Variants in CORO2B observed in about 807,000 individuals in gnomAD.
The protein encoded by CORO2B is coronin-2B.
In CORO2B, 26 loss-of-function variants were observed where a neutral mutation model predicts 58.8. That is an observed-to-expected ratio of 0.44 (90% CI 0.32 to 0.61). The LOEUF is 0.61. CORO2B is among the 20% of genes least tolerant of loss of function. The pLI is 0.04. For missense variants in CORO2B, 460 were observed against 645.1 expected (o/e 0.71, Z 3.11); for synonymous variants, 242 against 253.8 (o/e 0.95, Z 0.44).
At chr15:68,724,115 T>C (rs1485672168) in intron 11 of CORO2B, among the ~76,000 whole-genome samples, 1 of 152,076 alleles carries the variant, frequency 6.6e-6, no homozygotes, top group African/African-American at 2.4e-5. Context: ...AGCAGAAGAA[T>C]ACCTTGAACC....
intron 1 of CORO2B, among the ~76,000 whole-genome samples, chr15:68,592,134 C>G (rs1300140142): frequency 6.6e-6 from 1 of 152,130 alleles, no homozygotes; most frequent in Non-Finnish European, 1.5e-5. Context: ...GTCCTCCAAC[C>G]ACACATCCAC....
chr15:68,690,712 T>G (rs1892338890), intron 2 of CORO2B, among the ~76,000 whole-genome samples: 1 of 148,116 alleles, frequency 6.8e-6, no homozygotes, highest in Non-Finnish European at 1.5e-5. Flanking sequence ...GAGAGTGGCA[T>G]GATCATGATT....
intron 3 of CORO2B, among the ~76,000 whole-genome samples, chr15:68,697,190 T>TTGGATGGATGGATGGATGGATGGATGGA (rs374285924): frequency 1.3e-5 from 2 of 148,648 alleles, no homozygotes; most frequent in African/African-American, 5.0e-5. Context: ...GGATGGATTG[T>TTGGATGGATGGATGGATGGATGGATGGA]TGGATGGATG....
Position 68,645,953 on chromosome 15 carries a change from C to G in CORO2B, c.216+593C>G, listed in dbSNP as rs2415024. Among the ~76,000 whole-genome samples, 1 of 151,852 alleles carries G rather than the reference C, an allele frequency of 6.6e-6. No individual in the cohort carries two copies. The highest frequency in any genetic ancestry group is 2.1e-4 in the South Asian group (1 of 4,778). ...CACGCCCAGCTAATTTTTGTATTTT[C>G]AGTAGAGATGGGGTTTCACCATGTT... On this transcript the variant is annotated intron_variant, in intron 2 of 11. Coordinates refer to ENST00000261861, the MANE Select transcript of CORO2B (RefSeq NM_006091.5). The surrounding 1 kb of genome is among the most constrained non-coding windows in gnomAD (Gnocchi z 4.5).
At chr15:68,546,409 G>T in the CORO2B span, among the ~76,000 whole-genome samples, 25 of 152,148 alleles carry the variant, frequency 1.6e-4, no homozygotes, top group Non-Finnish European at 2.4e-4. Flanking sequence ...TACCGCAAGG[G>T]ATTCCAAGAT....
rs1017542328 is a variant in CORO2B at position 68,644,785 on chromosome 15, G to A, written c.16-375G>A. On this transcript the variant is annotated intron_variant, in intron 1 of 11. Transcript: ENST00000261861. ...GTCCGCATCTCCCATGCTGAACCGAGCACAGTTCCAGATACTCAGGAGGGA... is the reference window on the plus strand; with the variant it reads ...GTCCGCATCTCCCATGCTGAACCGAACACAGTTCCAGATACTCAGGAGGGA... Among the ~76,000 whole-genome samples, 4 of 152,114 alleles carry A rather than the reference G, an allele frequency of 2.6e-5. No individual in the cohort carries two copies. In the East Asian group the frequency reaches 7.7e-4, roughly 29 times the overall value.
chr15:68,537,528 G>A, the CORO2B span, among the ~76,000 whole-genome samples: 2 of 152,012 alleles, frequency 1.3e-5, no homozygotes, highest in African/African-American at 4.8e-5. Flanking sequence ...CATGTGCAGG[G>A]TGTGCAGGTT....
chr15:68,614,529 C>A (rs1163049145), intron 1 of CORO2B, among the ~76,000 whole-genome samples: 1 of 152,102 alleles, frequency 6.6e-6, no homozygotes, highest in African/African-American at 2.4e-5. Flanking sequence ...CAGTAACTTG[C>A]TGGAGAAACT....
chr15:68,597,218 C>A (rs571949924), intron 1 of CORO2B, among the ~76,000 whole-genome samples: 2 of 152,262 alleles, frequency 1.3e-5, no homozygotes, highest in East Asian at 3.9e-4. Context: ...TGGCTGCTGG[C>A]ACATCTTTTC....
intron 1 of CORO2B, among the ~76,000 whole-genome samples, chr15:68,639,830 C>T (rs779797440): frequency 3.3e-5 from 5 of 152,180 alleles, no homozygotes; most frequent in African/African-American, 4.8e-5. Flanking sequence ...CCCAGTCTTG[C>T]GCCTTGTGCT....
chr15:68,664,385 C>T (rs761276914), intron 2 of CORO2B, among the ~76,000 whole-genome samples: 2 of 152,162 alleles, frequency 1.3e-5, no homozygotes, highest in African/African-American at 4.8e-5. Flanking sequence ...TGGTGGCTCA[C>T]GCTTGTAATC....
the CORO2B span, among the ~76,000 whole-genome samples, chr15:68,555,031 G>A: frequency 6.6e-6 from 1 of 152,208 alleles, no homozygotes; most frequent in Non-Finnish European, 1.5e-5. Context: ...TGGGGCTGGG[G>A]TGGGCAGCCC....
chr15:68,619,424 A>G (rs1408445994), intron 1 of CORO2B, among the ~76,000 whole-genome samples: 1 of 152,180 alleles, frequency 6.6e-6, no homozygotes, highest in East Asian at 1.9e-4. Flanking sequence ...TGTGTGCAAG[A>G]TTGAAAGGTC....
chr15:68,683,974 G>A (rs1902878817), intron 2 of CORO2B, among the ~76,000 whole-genome samples: 1 of 151,374 alleles, frequency 6.6e-6, no homozygotes, highest in Non-Finnish European at 1.5e-5. Flanking sequence ...TGGCTTATAA[G>A]GTCTAGATAG....
chr15:68,579,798 C>CG (rs1899382464), intron 1 of CORO2B, among the ~76,000 whole-genome samples: 1 of 152,206 alleles, frequency 6.6e-6, no homozygotes, highest in Non-Finnish European at 1.5e-5. Context: ...TGCCCAGTCC[C>CG]GGGAGCCGCT....
chr15:68,702,649 T>TGGCACC (rs1892679254), intron 3 of CORO2B, among the ~76,000 whole-genome samples: 2 of 151,938 alleles, frequency 1.3e-5, no homozygotes, highest in South Asian at 4.2e-4. Flanking sequence ...AGCAAACACC[T>TGGCACC]TCAGCTTTTC....
chr15:68,545,870 C>T, the CORO2B span, among the ~76,000 whole-genome samples: 23,404 of 152,194 alleles, frequency 0.15, 2,235 homozygotes, highest in Middle Eastern at 0.23. Flanking sequence ...TTTGGGAAAG[C>T]AGCGGATAGC....
At chr15:68,602,119 C>A (rs778629834) in intron 1 of CORO2B, among the ~76,000 whole-genome samples, 1 of 151,790 alleles carries the variant, frequency 6.6e-6, no homozygotes. Context: ...ACATTGGCAC[C>A]GTCTGAGTTC....
intron 2 of CORO2B, among the ~76,000 whole-genome samples, chr15:68,648,046 A>AG (rs994633164): frequency 1.4e-5 from 2 of 141,840 alleles, no homozygotes; most frequent in African/African-American, 6.0e-5. Context: ...AAAAAAAAAA[A>AG]AAGAGTCTGG....
Sources: allele counts gnomAD v4.1 joint callset (sites outside exome capture counted in the v4.1 genomes callset), GRCh38; gene constraint gnomAD v4.1.1; non-coding constraint Gnocchi (gnomAD v3.1); transcripts MANE v1.5; gene names NCBI Gene and HGNC (gene_info 2026-07-23, HGNC 2026-07-21).